The following MYLK4 variants were observed in gnomAD, a reference collection of about 807,000 sequenced individuals.
MYLK4 encodes the protein caMLCK like.
In MYLK4, 46 loss-of-function variants were observed where a neutral mutation model predicts 48.1. The ratio of observed to expected loss-of-function variants is 0.96; its 90% CI spans 0.75 to 1.22. The LOEUF (loss-of-function observed/expected upper bound fraction) is 1.22. Ranked by LOEUF, MYLK4 falls within the 50% of genes most tolerant of loss-of-function variation. The pLI is 0.00. For missense variants in MYLK4, 451 were observed against 486.1 expected (o/e 0.93, Z 0.68); for synonymous variants, 170 against 180.8 (o/e 0.94, Z 0.48).
chr6:2,763,047 A>C, the MYLK4 span, among the ~76,000 whole-genome samples: 1 of 152,210 alleles, frequency 6.6e-6, no homozygotes, highest in South Asian at 2.1e-4. Flanking sequence ...GCCTGCTTTT[A>C]TTCTCTCATC....
intron 2 of MYLK4, among the ~76,000 whole-genome samples, chr6:2,703,361 C>T (rs982007377): frequency 1.3e-5 from 2 of 152,118 alleles, no homozygotes; most frequent in South Asian, 2.1e-4. Flanking sequence ...TTATTAGGTA[C>T]GGAATCAAAG....
chr6:2,682,993 C>T (rs773883117), intron 7 of MYLK4, 28 bp downstream of exon 7: 25 of 1,613,758 alleles, frequency 1.5e-5, no homozygotes, highest in Admixed American at 3.3e-5. Flanking sequence ...GAAGGGCTTA[C>T]GTCTCACAGG....
the MYLK4 span, among the ~76,000 whole-genome samples, chr6:2,762,440 G>A: frequency 2.0e-5 from 3 of 152,184 alleles, no homozygotes; most frequent in Non-Finnish European, 2.9e-5. Context: ...CTTATATTAA[G>A]AGATTCAAGA....
At chr6:2,765,590 C>A in the MYLK4 span, 2 of 1,464,566 alleles carry the variant, frequency 1.4e-6, no homozygotes, top group African/African-American at 2.9e-5. Flanking sequence ...GTTGCTGCGG[C>A]CGCGCCGGGC....
upstream of MYLK4, among the ~76,000 whole-genome samples, chr6:2,751,301 T>G (rs1764282518): frequency 6.6e-6 from 1 of 152,246 alleles, no homozygotes; most frequent in Admixed American, 6.5e-5. Context: ...TCTTACGCTT[T>G]GAGCATATCC....
chr6:2,692,648 G>A (rs1394498950), intron 3 of MYLK4, 136 bp downstream of exon 3: 3 of 574,804 alleles, frequency 5.2e-6, no homozygotes, highest in Non-Finnish European at 8.1e-6. Context: ...AAAAAGGGGG[G>A]GGGGGGCATT....
chr6:2,768,722 G>T, the MYLK4 span: 1 of 1,612,048 alleles, frequency 6.2e-7, no homozygotes, highest in Non-Finnish European at 8.5e-7. Context: ...GCCAGCAACA[G>T]CAAGAAACAT....
At chr6:2,697,761 G>T (rs1276914162) in intron 2 of MYLK4, among the ~76,000 whole-genome samples, 3 of 152,206 alleles carry the variant, frequency 2.0e-5, no homozygotes, top group Non-Finnish European at 4.4e-5. Flanking sequence ...TGCCACCATC[G>T]TTTTCCGTGT....
At chr6:2,733,420 C>G (rs1308926120) in intron 2 of MYLK4, among the ~76,000 whole-genome samples, 1 of 152,112 alleles carries the variant, frequency 6.6e-6, no homozygotes. Context: ...CAGAAACCAA[C>G]CAAGCAATGG....
chr6:2,685,200 T>C lies in MYLK4; in HGVS notation c.545+96A>G. On this transcript the variant is annotated intron_variant, in intron 6 of 12. Transcript: ENST00000274643. The surrounding 1 kb of genome is among the most constrained non-coding windows in gnomAD (Gnocchi z 4.5). The stretch of plus-strand genomic sequence containing the variant: ...TCAGAGTCTGCGGGGGCGAGCTTGG[T>C]TCTGGTCCCGCTACAGCAGGACGGA... The C allele has an allele frequency of 3.4e-6, 3 of 870,710 alleles. No individual in the cohort carries two copies. The South Asian group carries it at 4.3e-5, about 12-fold the overall frequency. 53.9% of individuals were successfully genotyped at this position (870,710 alleles called of 1,614,324 possible).
At chr6:2,698,555 G>A (rs1283499215) in intron 2 of MYLK4, among the ~76,000 whole-genome samples, 1 of 152,106 alleles carries the variant, frequency 6.6e-6, no homozygotes, top group Non-Finnish European at 1.5e-5. Context: ...ATGCCAAGAT[G>A]AACAATTTTT....
chr6:2,678,796 C>T (rs968621019), intron 9 of MYLK4, among the ~76,000 whole-genome samples: 2 of 151,494 alleles, frequency 1.3e-5, no homozygotes, highest in Non-Finnish European at 2.9e-5. Flanking sequence ...CTGCAACCTC[C>T]ACCTCCTGGA....
At chr6:2,755,670 C>T (rs933711344), upstream of MYLK4, among the ~76,000 whole-genome samples, 3 of 152,166 alleles carry the variant, frequency 2.0e-5, no homozygotes, top group African/African-American at 7.2e-5. Flanking sequence ...CTCCAAGTAG[C>T]TGGGACTATT....
the MYLK4 span, among the ~76,000 whole-genome samples, chr6:2,767,465 C>A: frequency 6.6e-6 from 1 of 152,222 alleles, no homozygotes; most frequent in Non-Finnish European, 1.5e-5. Flanking sequence ...AAGCACACCC[C>A]CTTTAACTCC....
At chr6:2,690,625 C>T (rs1761743413) in intron 3 of MYLK4, among the ~76,000 whole-genome samples, 1 of 152,044 alleles carries the variant, frequency 6.6e-6, no homozygotes, top group South Asian at 2.1e-4. Flanking sequence ...CCCATCAAGT[C>T]TATGGGTGTA....
intron 2 of MYLK4, among the ~76,000 whole-genome samples, chr6:2,717,029 T>C (rs1252092654): frequency 6.6e-6 from 1 of 152,118 alleles, no homozygotes; most frequent in Non-Finnish European, 1.5e-5. Flanking sequence ...AGTGGTGTTC[T>C]GCCAGGTAAG....
chr6:2,770,170 A>C, the MYLK4 span: 1 of 1,614,204 alleles, frequency 6.2e-7, no homozygotes, highest in South Asian at 1.1e-5. Flanking sequence ...TGATTGGGGC[A>C]ACCACTGAAA....
At chr6:2,755,423 T>G (rs918913694), upstream of MYLK4, among the ~76,000 whole-genome samples, 4 of 152,240 alleles carry the variant, frequency 2.6e-5, no homozygotes, top group African/African-American at 9.6e-5. Context: ...GTATGTTTCT[T>G]GAGAAAAAAG....
At chr6:2,726,337 T>C (rs927446836) in intron 2 of MYLK4, among the ~76,000 whole-genome samples, 16 of 151,756 alleles carry the variant, frequency 1.1e-4, no homozygotes, top group African/African-American at 3.6e-4. Context: ...GCCAGCAGAG[T>C]CGTAGCCATT....
Sources: gnomAD v4.1 joint callset for allele counts (sites outside exome capture counted in the v4.1 genomes callset) on GRCh38, gnomAD v4.1.1 for gene constraint, Gnocchi (gnomAD v3.1) non-coding constraint, MANE v1.5 for transcripts, NCBI Gene and HGNC (gene_info 2026-07-23, HGNC 2026-07-21) for gene names.